ASTN2: variants seen among roughly 807,000 people sequenced by gnomAD.
ASTN2 encodes the protein astrotactin-2.
ASTN2 carries 54 observed loss-of-function variants against 139.8 expected under a neutral mutation model. The observed-to-expected ratio is 0.39, with a 90% CI of 0.31 to 0.48. The LOEUF (loss-of-function observed/expected upper bound fraction) is 0.48. Ranked by LOEUF, ASTN2 falls within the 20% of genes least tolerant of loss-of-function variation. ASTN2 has a pLI of 0.95. For synonymous variants in ASTN2, 756 were observed against 719.5 expected, an observed-to-expected ratio of 1.05 and a Z score of -0.81; for missense variants, 1,565 against 1,725.1, an observed-to-expected ratio of 0.91 and a Z score of 1.64.
At chr9:117,174,793 C>T (rs1428118863) in intron 3 of ASTN2, among the ~76,000 whole-genome samples, 2 of 151,984 alleles carry the variant, frequency 1.3e-5, no homozygotes, top group African/African-American at 4.8e-5. Flanking sequence ...GGAAAATTTG[C>T]TGTCAAAAGT....
intron 17 of ASTN2, among the ~76,000 whole-genome samples, chr9:116,624,880 T>C (rs1305335169): frequency 6.6e-6 from 1 of 152,122 alleles, no homozygotes; most frequent in African/African-American, 2.4e-5. Context: ...AAAAATCTAT[T>C]ATCTTTTTAC....
chr9:116,494,927 C>T (rs926150246), intron 19 of ASTN2, among the ~76,000 whole-genome samples: 1 of 152,178 alleles, frequency 6.6e-6, no homozygotes, highest in Non-Finnish European at 1.5e-5. Flanking sequence ...CAGCATAGGG[C>T]TGATGATGAA....
chr9:116,566,736 G>A (rs1387507656), intron 19 of ASTN2, among the ~76,000 whole-genome samples: 2 of 152,126 alleles, frequency 1.3e-5, no homozygotes, highest in African/African-American at 2.4e-5. Context: ...CCTAGCCAAC[G>A]ACTGGGCATA....
intron 7 of ASTN2, among the ~76,000 whole-genome samples, chr9:116,985,836 C>T (rs1836662557): frequency 6.6e-6 from 1 of 152,084 alleles, no homozygotes; most frequent in Non-Finnish European, 1.5e-5. Context: ...ACGCCAGAGC[C>T]CTGCAACCTC....
At chr9:117,338,408 C>T (rs1339542587) in intron 1 of ASTN2, among the ~76,000 whole-genome samples, 3 of 152,144 alleles carry the variant, frequency 2.0e-5, no homozygotes, top group African/African-American at 4.8e-5. Flanking sequence ...CCTACAGATC[C>T]TATCCATTTA....
intron 1 of ASTN2, among the ~76,000 whole-genome samples, chr9:117,332,610 A>C (rs920839519): frequency 2.0e-4 from 31 of 152,302 alleles, no homozygotes; most frequent in Admixed American, 2.0e-3. Context: ...ACACAGGATT[A>C]GCCTATTTAA....
chr9:116,579,684 C>G (rs1276342427), intron 19 of ASTN2, among the ~76,000 whole-genome samples: 1 of 152,122 alleles, frequency 6.6e-6, no homozygotes, highest in Non-Finnish European at 1.5e-5. Context: ...AATTTGAGAC[C>G]AGACTGGGCA....
chr9:117,003,075 C>T (rs1362669144), intron 7 of ASTN2, among the ~76,000 whole-genome samples: 4 of 152,180 alleles, frequency 2.6e-5, no homozygotes, highest in Non-Finnish European at 5.9e-5. Context: ...GGCATGGTGC[C>T]TTCAGGAAAC....
chr9:116,850,971 T>G (rs1158710981), intron 11 of ASTN2, among the ~76,000 whole-genome samples: 1 of 152,190 alleles, frequency 6.6e-6, no homozygotes, highest in Non-Finnish European at 1.5e-5. Flanking sequence ...GTAAATAGAC[T>G]ATGGACTCTT....
At chr9:117,350,417 G>C (rs543686517) in intron 1 of ASTN2, among the ~76,000 whole-genome samples, 1 of 152,000 alleles carries the variant, frequency 6.6e-6, no homozygotes, top group Admixed American at 6.6e-5. Flanking sequence ...AAGCGTGGTC[G>C]TGGGCACCTG....
intron 1 of ASTN2, among the ~76,000 whole-genome samples, chr9:117,391,193 C>T (rs1830531641): frequency 6.6e-6 from 1 of 152,144 alleles, no homozygotes; most frequent in African/African-American, 2.4e-5. Flanking sequence ...ACAGCTAAAG[C>T]TGAATATCTT....
intron 10 of ASTN2, among the ~76,000 whole-genome samples, chr9:116,885,126 G>A (rs937853958): frequency 6.6e-6 from 1 of 152,082 alleles, no homozygotes; most frequent in African/African-American, 2.4e-5. Context: ...GAAAGGGTGT[G>A]TGTATGGTCA....
chr9:116,981,730 G>A (rs1403084187), intron 7 of ASTN2, among the ~76,000 whole-genome samples: 2 of 152,208 alleles, frequency 1.3e-5, no homozygotes, highest in Non-Finnish European at 2.9e-5. Flanking sequence ...TTCTAAAAAT[G>A]AGAGCATTGA....
intron 5 of ASTN2, among the ~76,000 whole-genome samples, chr9:117,060,073 G>C (rs953067152): frequency 3.2e-4 from 49 of 152,156 alleles, no homozygotes; most frequent in Non-Finnish European, 5.7e-4. Flanking sequence ...CACTTTGCGA[G>C]GCCAAGGCGA....
At chr9:116,639,686 T>C (rs1312579638) in intron 17 of ASTN2, among the ~76,000 whole-genome samples, 3 of 152,154 alleles carry the variant, frequency 2.0e-5, no homozygotes, top group Non-Finnish European at 2.9e-5. Flanking sequence ...GTGTGATAAA[T>C]AAGTAGACAT....
intron 11 of ASTN2, among the ~76,000 whole-genome samples, chr9:116,842,933 T>A (rs1341731680): frequency 6.6e-6 from 1 of 152,068 alleles, no homozygotes; most frequent in Non-Finnish European, 1.5e-5. Flanking sequence ...TGCCTACACC[T>A]GGATCTGGAA....
intron 3 of ASTN2, among the ~76,000 whole-genome samples, chr9:117,142,570 A>G (rs1486227792): frequency 6.6e-6 from 1 of 152,212 alleles, no homozygotes; most frequent in South Asian, 2.1e-4. Flanking sequence ...GTTTGCACCA[A>G]TACCTTCCAA....
At chr9:116,958,111 C>G (rs938707841) in intron 10 of ASTN2, among the ~76,000 whole-genome samples, 9 of 152,186 alleles carry the variant, frequency 5.9e-5, no homozygotes, top group Non-Finnish European at 1.2e-4. Context: ...CGAGGTTTCT[C>G]CACTGTAAGG....
chr9:116,572,066 T>C (rs555842236), intron 19 of ASTN2, among the ~76,000 whole-genome samples: 2 of 152,294 alleles, frequency 1.3e-5, no homozygotes, highest in South Asian at 4.1e-4. Context: ...GTGTGGGGTA[T>C]GTTGCATTTG....
Sources: allele counts gnomAD v4.1 joint callset (sites outside exome capture counted in the v4.1 genomes callset), GRCh38; gene constraint gnomAD v4.1.1; transcripts MANE v1.5; gene names NCBI Gene and HGNC (gene_info 2026-07-23, HGNC 2026-07-21).